The following SUCLG2 variants were observed in gnomAD, a reference collection of about 807,000 sequenced individuals.
SUCLG2 encodes the protein succinate-CoA ligase GDP-forming subunit beta.
A neutral mutation model predicts 47.9 loss-of-function variants in SUCLG2; 42 were observed. The observed-to-expected ratio is 0.88, with a 90% CI of 0.69 to 1.14. The LOEUF (loss-of-function observed/expected upper bound fraction) is 1.14. Among genes scored for constraint, SUCLG2 ranks in the 50% most tolerant of loss-of-function variants. The pLI is 0.00. For missense variants in SUCLG2, 571 were observed against 525.9 expected (o/e 1.09, Z -0.84); for synonymous variants, 195 against 197.3 (o/e 0.99, Z 0.10).
chr3:67,625,673 G>T (rs944488438), intron 1 of SUCLG2, among the ~76,000 whole-genome samples: 1 of 152,164 alleles, frequency 6.6e-6, no homozygotes, highest in African/African-American at 2.4e-5. Context: ...CAGGGCAGAA[G>T]AAACACCCCA....
chr3:67,405,848 A>C (rs530170962), intron 9 of SUCLG2, among the ~76,000 whole-genome samples: 1 of 152,326 alleles, frequency 6.6e-6, no homozygotes, highest in Non-Finnish European at 1.5e-5. Flanking sequence ...AGCAGGTTGT[A>C]CTCAGTATTC....
intron 2 of SUCLG2, among the ~76,000 whole-genome samples, chr3:67,599,609 C>T (rs6794091): frequency 0.48 from 72,858 of 151,688 alleles, 18,248 homozygotes; most frequent in African/African-American, 0.61. Flanking sequence ...GATTTTTGCA[C>T]ATCAAATACC....
chr3:67,628,054 A>C (rs1575828259), intron 1 of SUCLG2, among the ~76,000 whole-genome samples: 2 of 152,146 alleles, frequency 1.3e-5, no homozygotes, highest in African/African-American at 4.8e-5. Context: ...TCTCTATGTT[A>C]AATTTTATCT....
chr3:67,653,676 T>G (rs997844971), intron 1 of SUCLG2, among the ~76,000 whole-genome samples: 1 of 152,194 alleles, frequency 6.6e-6, no homozygotes, highest in African/African-American at 2.4e-5. Context: ...GGAAGAGAGA[T>G]AGTCTACGGA....
intron 10 of SUCLG2, among the ~76,000 whole-genome samples, chr3:67,379,662 A>C (rs796768462): frequency 8.5e-5 from 13 of 152,370 alleles, no homozygotes; most frequent in African/African-American, 3.1e-4. Flanking sequence ...TCATGAGCAC[A>C]AAGATGTGCT....
chr3:67,575,103 G>T (rs1408844429), intron 2 of SUCLG2, among the ~76,000 whole-genome samples: 3 of 152,164 alleles, frequency 2.0e-5, no homozygotes, highest in Admixed American at 6.5e-5. Flanking sequence ...CATTGATAAG[G>T]GGACTGTAAA....
At position 67,654,588 on chromosome 3, in the gene SUCLG2, TTA is replaced by T; in HGVS notation, c.-4_-3del. ...CTGCGCTGCTACGGGGGACGCCATC[TTA>T]AACAGGAAACTCGGCACGGGGCAGT... On this transcript the variant is annotated 5_prime_UTR_variant, in exon 1 of 11. Transcript: ENST00000307227. The T allele has an allele frequency of 7.8e-7, 1 of 1,274,150 alleles. No individual in the cohort carries two copies. The highest frequency in any genetic ancestry group is 2.9e-5 in the East Asian group (1 of 34,226). The allele number at this position is 1,274,150 out of a possible 1,614,324, so 78.9% of individuals were successfully genotyped here. A position where few individuals can be genotyped will look rare whatever the true frequency, so the allele number is the denominator to read the frequency against.
chr3:67,465,483 C>T (rs980509411), intron 9 of SUCLG2, among the ~76,000 whole-genome samples: 2 of 152,216 alleles, frequency 1.3e-5, no homozygotes, highest in Non-Finnish European at 2.9e-5. Context: ...GAGAATCCCT[C>T]TCTGGCCACC....
At chr3:67,597,682 G>T (rs1708324158) in intron 2 of SUCLG2, among the ~76,000 whole-genome samples, 1 of 152,114 alleles carries the variant, frequency 6.6e-6, no homozygotes, top group South Asian at 2.1e-4. Context: ...GCTCACGTCT[G>T]TGGTCCCAGC....
intron 4 of SUCLG2, among the ~76,000 whole-genome samples, chr3:67,525,809 T>C (rs1022305817): frequency 6.6e-6 from 1 of 152,214 alleles, no homozygotes; most frequent in Admixed American, 6.5e-5. Flanking sequence ...TAAACACTTT[T>C]GCCCTGCAAA....
intron 9 of SUCLG2, among the ~76,000 whole-genome samples, chr3:67,426,849 C>T (rs1209367519): frequency 6.6e-6 from 1 of 152,100 alleles, no homozygotes; most frequent in Non-Finnish European, 1.5e-5. Flanking sequence ...ATCACTTGAA[C>T]CCTGGAAGCG....
intron 1 of SUCLG2, among the ~76,000 whole-genome samples, chr3:67,623,999 C>A (rs1559601765): frequency 6.6e-6 from 1 of 152,204 alleles, no homozygotes; most frequent in Non-Finnish European, 1.5e-5. Context: ...ATTTGTTAGC[C>A]CTCCTTAAAT....
At chr3:67,534,046 C>T (rs1345185941) in intron 2 of SUCLG2, among the ~76,000 whole-genome samples, 7 of 152,046 alleles carry the variant, frequency 4.6e-5, no homozygotes, top group East Asian at 3.9e-4. Flanking sequence ...AGATTTGAAT[C>T]GTGTATGTCT....
intron 2 of SUCLG2, among the ~76,000 whole-genome samples, chr3:67,560,370 A>C (rs546500637): frequency 2.0e-5 from 3 of 152,286 alleles, no homozygotes; most frequent in African/African-American, 7.2e-5. Context: ...GAAACAATCA[A>C]TTTCTGTTGT....
intron 2 of SUCLG2, among the ~76,000 whole-genome samples, chr3:67,591,132 CT>C (rs1708152606): frequency 6.6e-6 from 1 of 152,140 alleles, no homozygotes; most frequent in Non-Finnish European, 1.5e-5. Context: ...AAATATACCC[CT>C]GGGGCTGTTT....
At chr3:67,408,599 C>T (rs1702867372) in intron 9 of SUCLG2, 2 of 993,054 alleles carry the variant, frequency 2.0e-6, no homozygotes, top group East Asian at 1.0e-4. Context: ...GTCAGGGGAA[C>T]CTAGGGAAAT....
chr3:67,413,076 G>A (rs773026028), intron 9 of SUCLG2, among the ~76,000 whole-genome samples: 6 of 152,036 alleles, frequency 3.9e-5, no homozygotes, highest in Non-Finnish European at 8.8e-5. Flanking sequence ...TTCTTTCCTT[G>A]GCTCTTTTTG....
intron 7 of SUCLG2, among the ~76,000 whole-genome samples, chr3:67,501,133 A>G (rs950507129): frequency 5.3e-5 from 8 of 152,210 alleles, no homozygotes; most frequent in African/African-American, 1.9e-4. Context: ...ATTTGTAGAG[A>G]AAACTAAACA....
intron 10 of SUCLG2, among the ~76,000 whole-genome samples, chr3:67,377,517 T>G (rs1330442692): frequency 6.6e-6 from 1 of 152,188 alleles, no homozygotes; most frequent in Non-Finnish European, 1.5e-5. Context: ...TGTGACTGAG[T>G]TCAGGCCAAA....
Sources: allele counts gnomAD v4.1 joint callset (sites outside exome capture counted in the v4.1 genomes callset), GRCh38; gene constraint gnomAD v4.1.1; transcripts MANE v1.5; gene names NCBI Gene and HGNC (gene_info 2026-07-23, HGNC 2026-07-21).